Variants in DYRK4 observed in about 807,000 individuals in gnomAD.
The protein encoded by DYRK4 is dual specificity tyrosine-phosphorylation-regulated kinase 4.
DYRK4 carries 64 observed loss-of-function variants against 68.3 expected under a neutral mutation model. The ratio of observed to expected loss-of-function variants is 0.94; its 90% CI spans 0.77 to 1.15. The LOEUF (loss-of-function observed/expected upper bound fraction) is 1.15. Among genes scored for constraint, DYRK4 ranks in the 50% most tolerant of loss-of-function variants. DYRK4 has a pLI of 0.00. For synonymous variants in DYRK4, 274 were observed against 289.9 expected (o/e 0.95, Z 0.56); for missense variants, 740 against 764.7 (o/e 0.97, Z 0.38).
At chr12:4,574,804 G>A (rs940331371) in intron 2 of DYRK4, among the ~76,000 whole-genome samples, 5 of 152,228 alleles carry the variant, frequency 3.3e-5, no homozygotes, top group Non-Finnish European at 7.4e-5. Flanking sequence ...TGCAGCCTCC[G>A]CCTCCCCAGT....
intron 1 of DYRK4, chr12:4,564,266 A>G (rs1452351923): frequency 6.6e-6 from 1 of 152,064 alleles, no homozygotes; most frequent in Admixed American, 6.6e-5. Flanking sequence ...GTAGAGAATA[A>G]TTTGAAGCCC....
intron 1 of DYRK4, among the ~76,000 whole-genome samples, chr12:4,566,595 A>T (rs960001434): frequency 6.6e-6 from 1 of 152,238 alleles, no homozygotes; most frequent in Non-Finnish European, 1.5e-5. Flanking sequence ...ATGCATTGTC[A>T]TGATCTACTT....
chr12:4,596,976 G>A, intron 8 of DYRK4: 2 of 1,343,264 alleles, frequency 1.5e-6, no homozygotes, highest in Non-Finnish European at 1.9e-6. Flanking sequence ...TGAGCCAGGT[G>A]ACATGACCAA....
intron 12 of DYRK4, 34 bp from the exon 13 acceptor site, chr12:4,610,121 C>CT (rs751407713): frequency 9.6e-5 from 148 of 1,541,238 alleles, no homozygotes; most frequent in Non-Finnish European, 1.2e-4. Context: ...AGATTTACAC[C>CT]TGAAACTAAA....
At chr12:4,607,578 G>A (rs1403655100) in intron 12 of DYRK4, among the ~76,000 whole-genome samples, 191 bp downstream of exon 12, 1 of 152,164 alleles carries the variant, frequency 6.6e-6, no homozygotes, top group African/African-American at 2.4e-5. Context: ...AGTCACAGTG[G>A]GAACAGGGTC....
At chr12:4,571,032 A>T (rs574993437) in intron 2 of DYRK4, among the ~76,000 whole-genome samples, 143 of 152,320 alleles carry the variant, frequency 9.4e-4, no homozygotes, top group African/African-American at 3.3e-3. Flanking sequence ...GTCCTCAGTC[A>T]TCTCAAGCAG....
In DYRK4 at chr12:4,605,026, C is replaced by T. The variant is rs1177712674; in HGVS notation, c.1239C>T (p.Tyr413=). 6.2e-7 allele frequency: 1 copy of T among 1,614,092 alleles called. No individual in the cohort carries two copies. The highest frequency in any genetic ancestry group is 8.5e-7 in the Non-Finnish European group (1 of 1,179,966). ...WSLGCITAEL[Y]TGYPLFPGEN... ...TGGGCTGCATCACGGCGGAGTTGTACACGGGCTACCCCCTGTTCCCCGGGG... is the reference window on the plus strand; with the variant it reads ...TGGGCTGCATCACGGCGGAGTTGTATACGGGCTACCCCCTGTTCCCCGGGG... Residue 413 remains tyrosine (Y), a synonymous_variant, in exon 11 of 15, where the codon TAC becomes TAT. Coordinates refer to ENST00000543431, the MANE Select transcript of DYRK4 (RefSeq NM_001394779.1).
chr12:4,594,245 G>GT (rs1565538613), intron 6 of DYRK4, among the ~76,000 whole-genome samples: 1 of 152,148 alleles, frequency 6.6e-6, no homozygotes, highest in South Asian at 2.1e-4. Context: ...ATGTATATAT[G>GT]TTTTTTGAGA....
chr12:4,570,507 G>T (rs145007590), intron 2 of DYRK4, among the ~76,000 whole-genome samples: 1 of 152,248 alleles, frequency 6.6e-6, no homozygotes, highest in Admixed American at 6.5e-5. Flanking sequence ...GCTTCTGCAC[G>T]TGAAGTATTG....
intron 12 of DYRK4, among the ~76,000 whole-genome samples, chr12:4,608,303 T>G (rs1945177314): frequency 6.6e-6 from 1 of 152,036 alleles, no homozygotes; most frequent in Non-Finnish European, 1.5e-5. Flanking sequence ...TGTTGTCAGG[T>G]CGGTTCATGG....
intron 6 of DYRK4, among the ~76,000 whole-genome samples, chr12:4,595,371 TA>T (rs1162964599): frequency 6.6e-6 from 1 of 152,218 alleles, no homozygotes; most frequent in Non-Finnish European, 1.5e-5. Context: ...ACCTTAGAGA[TA>T]ATCTCATCCA....
In DYRK4 at chr12:4,599,314, T is replaced by C. The variant is rs907761620; in HGVS notation, c.1044+148T>C. On this transcript the variant is annotated intron_variant, in intron 9 of 14. Transcript: ENST00000543431. ...TTTTGGTGCTCTACTGTCATGGCAG[T>C]ATATCAAGGGAGGGCATTTCGTGGG... 1.2e-5 allele frequency: 10 copies of C among 812,584 alleles called. No homozygotes were observed. In the African/African-American group the frequency reaches 1.6e-4, roughly 13 times the overall value. 50.3% of individuals were successfully genotyped at this position (812,584 alleles called of 1,614,324 possible).
intron 1 of DYRK4, among the ~76,000 whole-genome samples, chr12:4,567,120 A>G (rs1944685017): frequency 6.6e-6 from 1 of 152,222 alleles, no homozygotes; most frequent in Non-Finnish European, 1.5e-5. Context: ...GTTATACTGC[A>G]AGAAATGTTA....
intron 2 of DYRK4, among the ~76,000 whole-genome samples, chr12:4,574,319 C>T (rs1944764449): frequency 6.6e-6 from 1 of 151,386 alleles, no homozygotes; most frequent in African/African-American, 2.4e-5. Context: ...TCTGAGATAA[C>T]TACTCTCTTG....
chr12:4,564,297 T>C (rs1250471747), intron 1 of DYRK4: 1 of 151,692 alleles, frequency 6.6e-6, no homozygotes. Flanking sequence ...ATATATTATA[T>C]AAATATAAAT....
chr12:4,607,301 G>T (rs1565542942), intron 11 of DYRK4, 26 bp from the exon 12 acceptor site: 1 of 1,614,100 alleles, frequency 6.2e-7, no homozygotes. Flanking sequence ...CACAAAGAAT[G>T]AACCAATTGA....
intron 2 of DYRK4, among the ~76,000 whole-genome samples, chr12:4,577,036 A>G (rs183112853): frequency 8.1e-4 from 123 of 152,250 alleles, no homozygotes; most frequent in African/African-American, 2.6e-3. Flanking sequence ...TTTTTCCGTC[A>G]TGATCGTGCT....
intron 13 of DYRK4, among the ~76,000 whole-genome samples, chr12:4,610,865 C>T (rs1407707593): frequency 6.6e-6 from 1 of 152,160 alleles, no homozygotes. Flanking sequence ...GTACTTAAGT[C>T]GTAGTACCCA....
intron 2 of DYRK4, among the ~76,000 whole-genome samples, chr12:4,582,470 A>T (rs961235865): frequency 6.6e-6 from 1 of 152,226 alleles, no homozygotes; most frequent in African/African-American, 2.4e-5. Context: ...GATGAAATGA[A>T]ATAAAATAAA....
Sources: allele counts gnomAD v4.1 joint callset (sites outside exome capture counted in the v4.1 genomes callset), GRCh38; gene constraint gnomAD v4.1.1; transcripts MANE v1.5; gene names NCBI Gene and HGNC (gene_info 2026-07-23, HGNC 2026-07-21).